The following OR6N1 variants were observed in gnomAD, a reference collection of about 807,000 sequenced individuals.
OR6N1 encodes olfactory receptor 6N1.
For synonymous variants in OR6N1, 170 were observed against 150.7 expected (o/e 1.13, Z -0.94); for missense variants, 394 against 371.7 (o/e 1.06, Z -0.49).
chr1:158,806,530 C>A, the OR6N1 span, among the ~76,000 whole-genome samples: 1 of 152,138 alleles, frequency 6.6e-6, no homozygotes, highest in African/African-American at 2.4e-5. Flanking sequence ...TGCATATGAT[C>A]ACACAGCAAA....
At chr1:158,782,827 T>C in the OR6N1 span, among the ~76,000 whole-genome samples, 1 of 152,180 alleles carries the variant, frequency 6.6e-6, no homozygotes, top group East Asian at 1.9e-4. Flanking sequence ...TTCCTCTCAT[T>C]TCATTGTGGT....
the OR6N1 span, among the ~76,000 whole-genome samples, chr1:158,795,421 C>T: frequency 5.3e-5 from 8 of 152,186 alleles, no homozygotes; most frequent in Non-Finnish European, 1.2e-4. Flanking sequence ...TAGCACACTT[C>T]TCACTTGCTT....
At chr1:158,828,523 G>T in the OR6N1 span, among the ~76,000 whole-genome samples, 1 of 152,296 alleles carries the variant, frequency 6.6e-6, no homozygotes, top group East Asian at 1.9e-4. Context: ...TCATATTGAT[G>T]CAAGAGGTAG....
chr1:158,769,934 T>C (rs1657374645), intron 1 of OR6N1, among the ~76,000 whole-genome samples: 1 of 152,230 alleles, frequency 6.6e-6, no homozygotes, highest in Non-Finnish European at 1.5e-5. Flanking sequence ...AAGTCTTGAA[T>C]GCATACCTGC....
At chr1:158,781,836 A>T in the OR6N1 span, among the ~76,000 whole-genome samples, 1 of 152,238 alleles carries the variant, frequency 6.6e-6, no homozygotes, top group Non-Finnish European at 1.5e-5. Context: ...TAAGCAACAC[A>T]TGTTGTTCTA....
At chr1:158,829,068 C>T in the OR6N1 span, among the ~76,000 whole-genome samples, 1 of 152,174 alleles carries the variant, frequency 6.6e-6, no homozygotes, top group East Asian at 1.9e-4. Flanking sequence ...TGGGCCTGGC[C>T]CGTGAAACCA....
At chr1:158,801,349 T>C in the OR6N1 span, among the ~76,000 whole-genome samples, 1 of 152,096 alleles carries the variant, frequency 6.6e-6, no homozygotes, top group African/African-American at 2.4e-5. Context: ...AGTATCCATC[T>C]AGTCCCTAAA....
the OR6N1 span, among the ~76,000 whole-genome samples, chr1:158,795,312 A>G: frequency 1.3e-5 from 2 of 152,172 alleles, no homozygotes; most frequent in Non-Finnish European, 2.9e-5. Flanking sequence ...GCCCCAAACC[A>G]TAAGCCTTCC....
the OR6N1 span, among the ~76,000 whole-genome samples, chr1:158,836,263 C>T: frequency 1.2e-4 from 19 of 152,054 alleles, no homozygotes; most frequent in Admixed American, 9.8e-4. Flanking sequence ...GAAGTGTTCC[C>T]TCCTTTTCAA....
At chr1:158,816,545 C>A in the OR6N1 span, among the ~76,000 whole-genome samples, 2 of 152,120 alleles carry the variant, frequency 1.3e-5, no homozygotes, top group South Asian at 2.1e-4. Flanking sequence ...TAAAAATTAG[C>A]CAAGTGTGGT....
At chr1:158,781,900 T>G in the OR6N1 span, among the ~76,000 whole-genome samples, 1 of 152,254 alleles carries the variant, frequency 6.6e-6, no homozygotes, top group South Asian at 2.1e-4. Context: ...GTGTGATTGT[T>G]ATTCCCATTG....
chr1:158,839,092 T>C, the OR6N1 span, among the ~76,000 whole-genome samples: 1 of 152,302 alleles, frequency 6.6e-6, no homozygotes, highest in East Asian at 1.9e-4. Context: ...TAGAGAAAGT[T>C]TGTGGAGATT....
At chr1:158,767,228 G>T (rs1657298316) in intron 1 of OR6N1, among the ~76,000 whole-genome samples, 1 of 152,110 alleles carries the variant, frequency 6.6e-6, no homozygotes, top group African/African-American at 2.4e-5. Context: ...TCCTTTATGA[G>T]AACTCAGGTC....
At position 158,765,550 on chromosome 1, in the gene OR6N1, T is replaced by C. The variant is rs1476158027; in HGVS notation, c.*194A>G. 7 of 554,658 alleles carry C rather than the reference T, an allele frequency of 1.3e-5. No individual in the cohort carries two copies. Among genetic ancestry groups the C allele is most frequent in the Non-Finnish European group, 1.9e-5 (6 of 311,032 alleles). 34.4% of individuals were successfully genotyped at this position (554,658 alleles called of 1,614,324 possible). On this transcript the variant is annotated 3_prime_UTR_variant, in exon 2 of 2. Transcript: ENST00000641846. ...AGGGATGTGTACTTTCCCTAGTCTCTGGTCTCAAGCCAAATGTGGCTCCAG... is the reference window on the plus strand; with the variant it reads ...AGGGATGTGTACTTTCCCTAGTCTCCGGTCTCAAGCCAAATGTGGCTCCAG...
At chr1:158,777,878 A>G in the OR6N1 span, among the ~76,000 whole-genome samples, 5 of 152,354 alleles carry the variant, frequency 3.3e-5, no homozygotes, top group East Asian at 5.8e-4. Context: ...TTATACTTCA[A>G]TGAGATAAGC....
the OR6N1 span, among the ~76,000 whole-genome samples, chr1:158,796,515 AGAATT>A: frequency 1.3e-5 from 2 of 152,292 alleles, no homozygotes; most frequent in African/African-American, 4.8e-5. Flanking sequence ...GAGCCTCTAA[AGAATT>A]TTACAGTTTA....
the OR6N1 span, among the ~76,000 whole-genome samples, chr1:158,802,501 C>T: frequency 2.0e-5 from 3 of 152,128 alleles, no homozygotes; most frequent in African/African-American, 7.2e-5. Context: ...GACAATCCAA[C>T]TTGAATACAT....
chr1:158,795,148 C>T, the OR6N1 span, among the ~76,000 whole-genome samples: 23 of 152,246 alleles, frequency 1.5e-4, no homozygotes. Flanking sequence ...GCTTCCTCTG[C>T]TGCACAAAAG....
chr1:158,812,266 CACAAA>C, the OR6N1 span, among the ~76,000 whole-genome samples: 5 of 152,094 alleles, frequency 3.3e-5, no homozygotes, highest in African/African-American at 1.2e-4. Context: ...GAAAATTACA[CACAAA>C]ACAAAATCAA....
Sources: allele counts gnomAD v4.1 joint callset (sites outside exome capture counted in the v4.1 genomes callset), GRCh38; gene constraint gnomAD v4.1.1; transcripts MANE v1.5; gene names NCBI Gene and HGNC (gene_info 2026-07-23, HGNC 2026-07-21).